SLCO6A1: variants seen among roughly 807,000 people sequenced by gnomAD.
SLCO6A1 encodes the protein cancer/testis antigen 48.
Under a neutral mutation model 72.7 loss-of-function variants are expected in SLCO6A1, and 65 were observed. The ratio of observed to expected loss-of-function variants is 0.89; its 90% CI spans 0.73 to 1.10. The LOEUF (loss-of-function observed/expected upper bound fraction) is 1.10. Ranked by LOEUF, SLCO6A1 falls within the 50% of genes least tolerant of loss-of-function variation. The pLI, the probability that SLCO6A1 is intolerant of heterozygous loss-of-function variation, is 0.00. For synonymous variants in SLCO6A1, 314 were observed against 298.2 expected (o/e 1.05, Z -0.55); for missense variants, 874 against 872.6 (o/e 1.00, Z -0.02).
chr5:102,377,055 T>C (rs1010489781), intron 12 of SLCO6A1, among the ~76,000 whole-genome samples: 1 of 152,038 alleles, frequency 6.6e-6, no homozygotes, highest in Non-Finnish European at 1.5e-5. Flanking sequence ...TTCTAGCTGC[T>C]CTGGAGACTG....
chr5:102,425,694 C>T (rs1476587295), intron 7 of SLCO6A1, among the ~76,000 whole-genome samples: 1 of 152,148 alleles, frequency 6.6e-6, no homozygotes. Context: ...GGCCATACTG[C>T]CCAAAGTAAT....
intron 10 of SLCO6A1, 106 bp from the exon 11 acceptor site, chr5:102,391,151 T>C: frequency 5.0e-6 from 5 of 1,008,818 alleles, no homozygotes; most frequent in Non-Finnish European, 7.7e-6. Context: ...GCATCAATTG[T>C]ACTAAGAATC....
At chr5:102,478,328 T>C (rs1752018827) in intron 2 of SLCO6A1, among the ~76,000 whole-genome samples, 1 of 152,206 alleles carries the variant, frequency 6.6e-6, no homozygotes, top group South Asian at 2.1e-4. Context: ...AAATTTGGCA[T>C]CTAGTTCCCC....
intron 6 of SLCO6A1, among the ~76,000 whole-genome samples, chr5:102,443,543 A>G (rs944827210): frequency 1.3e-5 from 2 of 152,140 alleles, no homozygotes; most frequent in African/African-American, 4.8e-5. Flanking sequence ...TTTAGGGGTA[A>G]TCTAAAAATT....
intron 8 of SLCO6A1, among the ~76,000 whole-genome samples, chr5:102,415,273 A>G (rs182103769): frequency 6.4e-4 from 98 of 152,326 alleles, no homozygotes; most frequent in African/African-American, 2.1e-3. Flanking sequence ...AAAAGGAACA[A>G]AATTGGAGGT....
chr5:102,452,272 T>A (rs185465203), intron 6 of SLCO6A1, among the ~76,000 whole-genome samples: 1 of 152,236 alleles, frequency 6.6e-6, no homozygotes, highest in Non-Finnish European at 1.5e-5. Context: ...TTTTCCTCTA[T>A]AAAATATTAT....
chr5:102,434,540 G>C (rs998200770), intron 7 of SLCO6A1, among the ~76,000 whole-genome samples: 1 of 152,146 alleles, frequency 6.6e-6, no homozygotes, highest in African/African-American at 2.4e-5. Context: ...CAAGAAGTTT[G>C]GTGTCTTCTT....
At chr5:102,426,968 G>T (rs1041575871) in intron 7 of SLCO6A1, among the ~76,000 whole-genome samples, 1 of 19,306 alleles carries the variant, frequency 5.2e-5, no homozygotes, top group East Asian at 6.5e-4. Context: ...GTCCTTTGCA[G>T]GTCATGGATA....
At chr5:102,383,389 A>G (rs1463342977) in intron 12 of SLCO6A1, among the ~76,000 whole-genome samples, 2 of 151,584 alleles carry the variant, frequency 1.3e-5, no homozygotes, top group East Asian at 3.8e-4. Flanking sequence ...TCTAATTTTT[A>G]AAGGATTTTT....
At position 102,388,007 on chromosome 5, in the gene SLCO6A1, G is replaced by A. The variant is rs557798166; in HGVS notation, c.2017+681C>T. Among the ~76,000 whole-genome samples the A allele has an allele frequency of 3.3e-5, 5 of 152,232 alleles. No homozygotes were observed. The South Asian group carries it at 6.2e-4, about 19-fold the overall frequency. The stretch of plus-strand genomic sequence containing the variant: ...ATTCAACAAATATTGAAAGGTTATT[G>A]TGTTCTAGGCACTGTTATATCATTG... On this transcript the variant is annotated intron_variant, in intron 12 of 13. Coordinates refer to ENST00000506729, the MANE Select transcript of SLCO6A1 (RefSeq NM_173488.5).
intron 1 of SLCO6A1, among the ~76,000 whole-genome samples, chr5:102,497,546 A>G (rs1752963057): frequency 6.6e-6 from 1 of 152,172 alleles, no homozygotes; most frequent in Non-Finnish European, 1.5e-5. Flanking sequence ...GTTCTGGAGG[A>G]GGTGAGGCAC....
intron 7 of SLCO6A1, among the ~76,000 whole-genome samples, chr5:102,427,858 ATATATATTT>A (rs1443969664): frequency 6.0e-5 from 7 of 116,180 alleles, no homozygotes; most frequent in Middle Eastern, 4.0e-3. Flanking sequence ...ATATATATAT[ATATATATTT>A]TTTTTTTTTT....
At chr5:102,460,954 A>G (rs1468181869) in intron 4 of SLCO6A1, among the ~76,000 whole-genome samples, 1 of 140,550 alleles carries the variant, frequency 7.1e-6, no homozygotes, top group South Asian at 2.3e-4. Context: ...ATATATATAT[A>G]TCTGCATATG....
At chr5:102,392,244 T>C (rs1414047312) in intron 10 of SLCO6A1, among the ~76,000 whole-genome samples, 2 of 151,896 alleles carry the variant, frequency 1.3e-5, no homozygotes, top group Non-Finnish European at 2.9e-5. Context: ...ATTAGAAAAA[T>C]AAAAACAAAT....
intron 7 of SLCO6A1, among the ~76,000 whole-genome samples, chr5:102,427,816 A>G (rs937502754): frequency 6.8e-6 from 1 of 147,910 alleles, no homozygotes; most frequent in Non-Finnish European, 1.5e-5. Context: ...AGTATGTGGA[A>G]ACCCCCTCTC....
rs570640353 is a variant in SLCO6A1 at position 102,474,031 on chromosome 5, T to G, written c.899+1666A>C. Among the ~76,000 whole-genome samples, 20 of 152,044 alleles carry G rather than the reference T, an allele frequency of 1.3e-4. No homozygotes were observed. In the South Asian group the frequency reaches 4.1e-3, roughly 32 times the overall value. The stretch of plus-strand genomic sequence containing the variant: ...TACAACCCAAAGTGAAATACAGATT[T>G]AATGCAATCCCTATCAAAATTCCAA... On this transcript the variant is annotated intron_variant, in intron 4 of 13. Coordinates refer to ENST00000506729, the MANE Select transcript of SLCO6A1 (RefSeq NM_173488.5).
intron 10 of SLCO6A1, among the ~76,000 whole-genome samples, chr5:102,397,605 A>T (rs1747161998): frequency 6.6e-6 from 1 of 151,912 alleles, no homozygotes; most frequent in East Asian, 1.9e-4. Flanking sequence ...TTCCTGAGAG[A>T]TTCTTCCTCA....
At chr5:102,460,035 A>G (rs982082943) in intron 4 of SLCO6A1, among the ~76,000 whole-genome samples, 1 of 151,822 alleles carries the variant, frequency 6.6e-6, no homozygotes, top group African/African-American at 2.4e-5. Flanking sequence ...GGCACCACTC[A>G]GGTAGCAAAA....
At chr5:102,478,958 T>C (rs1014808485) in intron 2 of SLCO6A1, among the ~76,000 whole-genome samples, 3 of 152,192 alleles carry the variant, frequency 2.0e-5, no homozygotes, top group Non-Finnish European at 4.4e-5. Context: ...GTGATATCAG[T>C]GTCAATGTGA....
Sources: gnomAD v4.1 joint callset for allele counts (sites outside exome capture counted in the v4.1 genomes callset) on GRCh38, gnomAD v4.1.1 for gene constraint, MANE v1.5 for transcripts, NCBI Gene and HGNC (gene_info 2026-07-23, HGNC 2026-07-21) for gene names.